The following PPL variants were observed in gnomAD, a reference collection of about 807,000 sequenced individuals.
The protein encoded by PPL is periplakin, also known as 190 kDa paraneoplastic pemphigus antigen.
A neutral mutation model predicts 194.4 loss-of-function variants in PPL; 198 were observed. The observed-to-expected ratio is 1.02, with a 90% CI of 0.91 to 1.15. The LOEUF is 1.15. Among genes scored for constraint, PPL ranks in the 50% most tolerant of loss-of-function variants. The pLI is 0.00. For missense variants in PPL, 2,885 were observed against 2,294.8 expected, an observed-to-expected ratio of 1.26 and a Z score of -5.25; for synonymous variants, 1,220 against 972.4, an observed-to-expected ratio of 1.25 and a Z score of -4.74.
At chr16:4,932,930 T>G (rs1005836148) in intron 1 of PPL, among the ~76,000 whole-genome samples, 8 of 151,696 alleles carry the variant, frequency 5.3e-5, no homozygotes, top group African/African-American at 1.9e-4. Context: ...TTGCCCAAGA[T>G]CAAACAGCTT....
intron 1 of PPL, among the ~76,000 whole-genome samples, chr16:4,914,438 G>A (rs1370602523): frequency 3.3e-5 from 5 of 152,194 alleles, no homozygotes; most frequent in Non-Finnish European, 7.3e-5. Flanking sequence ...GGCATTGGGG[G>A]CAGAAATGGC....
Position 4,882,787 on chromosome 16 carries a change from CAATT to C in PPL, c.*593_*596del, listed in dbSNP as rs1365292892. On this transcript the variant is annotated 3_prime_UTR_variant, in exon 22 of 22. Transcript: ENST00000345988. ...GGTGCCGGGACAGTCTGGTGGCTGACAATTAACGTCCACTCCAGCACCGAGGGCT... is the reference window on the plus strand; with the variant it reads ...GGTGCCGGGACAGTCTGGTGGCTGACAACGTCCACTCCAGCACCGAGGGCT... The C allele has an allele frequency of 6.5e-6, 1 of 153,354 alleles. No individual in the cohort carries two copies. Among genetic ancestry groups the C allele is most frequent in the Non-Finnish European group, 1.5e-5 (1 of 68,918 alleles). The allele number at this position is 153,354 out of a possible 1,614,324, so 9.5% of individuals were successfully genotyped here. A position where few individuals can be genotyped will look rare whatever the true frequency, so the allele number is the denominator to read the frequency against.
intron 11 of PPL, 150 bp downstream of exon 11, chr16:4,895,111 G>C: frequency 5.8e-6 from 6 of 1,035,488 alleles, no homozygotes; most frequent in Non-Finnish European, 8.1e-6. Flanking sequence ...AGGGGTGCCA[G>C]TTGGCCTGCA....
In PPL at chr16:4,899,336, T is replaced by C. The variant is rs1435593444; in HGVS notation, c.655A>G (p.Met219Val). 6.2e-7 allele frequency: 1 copy of C among 1,613,108 alleles called. No homozygotes were observed. The highest frequency in any genetic ancestry group is 1.3e-5 in the African/African-American group (1 of 75,042). Residue 219 changes from methionine to valine, a missense_variant, in exon 7 of 22, where the codon ATG becomes GTG. Transcript: ENST00000345988. Reference sequence around the variant, plus strand: ...TACAGCTCATTGGTGCAGCGCTGCATGTAGTCCTGCAGCGAACTCAGGTGC... The same window carrying C: ...TACAGCTCATTGGTGCAGCGCTGCACGTAGTCCTGCAGCGAACTCAGGTGC... ...QQHLSSLQDY[M>V]QRCTNELYWL...
At chr16:4,934,840 C>G (rs1241959459) in intron 1 of PPL, among the ~76,000 whole-genome samples, 1 of 152,096 alleles carries the variant, frequency 6.6e-6, no homozygotes, top group East Asian at 1.9e-4. Flanking sequence ...CTACCCCCAC[C>G]CCACAATCCA....
At chr16:4,901,345 G>C (rs568682351) in intron 4 of PPL, among the ~76,000 whole-genome samples, 1 of 152,196 alleles carries the variant, frequency 6.6e-6, no homozygotes. Flanking sequence ...AGGACACAGA[G>C]GCTGAGGCTG....
intron 1 of PPL, among the ~76,000 whole-genome samples, chr16:4,923,123 C>A (rs899713849): frequency 6.6e-6 from 1 of 152,180 alleles, no homozygotes; most frequent in South Asian, 2.1e-4. Context: ...ATAAGGGAAA[C>A]TGCAGAAGGG....
At position 4,885,436 on chromosome 16, in the gene PPL, C is replaced by T. The variant is rs1211345720; in HGVS notation, c.3219G>A (p.Leu1073=). The T allele has an allele frequency of 4.3e-6, 7 of 1,612,722 alleles. No individual in the cohort carries two copies. Among genetic ancestry groups the T allele is most frequent in the Admixed American group, 1.7e-5 (1 of 60,020 alleles). ...GGTCCTGGCGCTGGTGGTCCTCCTG[C>T]AGCTGCTGGTACTCTGCCTCCAGCT... The part of the protein sequence containing the change: ...DPQLEAEYQQ[L]QEDHQRQDQL... The change falls in exon 22 of 22, where the codon CTG becomes CTA. Residue 1073 remains leucine (L), a synonymous_variant. Transcript: ENST00000345988. This position sits in a 1 kb window ranked among gnomAD's most constrained non-coding sequence, Gnocchi z 6.3.
Position 4,892,144 on chromosome 16 carries a change from T to G in PPL, c.1720A>C (p.Ile574Leu), listed in dbSNP as rs1272106082. 1 of 1,613,846 alleles carries G rather than the reference T, an allele frequency of 6.2e-7. No homozygotes were observed. Among genetic ancestry groups the G allele is most frequent in the Non-Finnish European group, 8.5e-7 (1 of 1,180,030 alleles). ...GTGCCACTGCCTGGGAGGGCCTGGATGAAGGCTTCGCCCTCAGCCGTGCTC... is the reference window on the plus strand; with the variant it reads ...GTGCCACTGCCTGGGAGGGCCTGGAGGAAGGCTTCGCCCTCAGCCGTGCTC... ...TRSTAEGEAF[I>L]QALPGSGTTP... The change falls in exon 15 of 22, where the codon ATC becomes CTC. Residue 574 changes from isoleucine (I) to leucine (L), a missense_variant. Physicochemically the swap from Ile to Leu is conservative, Grantham distance 5. Transcript: ENST00000345988.
At chr16:4,923,947 C>T (rs1276315613) in intron 1 of PPL, among the ~76,000 whole-genome samples, 4 of 152,320 alleles carry the variant, frequency 2.6e-5, no homozygotes, top group Non-Finnish European at 5.9e-5. Flanking sequence ...ATGAACTATG[C>T]TGGCTTTTGG....
intron 2 of PPL, among the ~76,000 whole-genome samples, chr16:4,908,215 C>T (rs2088741279): frequency 6.7e-6 from 1 of 149,646 alleles, no homozygotes; most frequent in Non-Finnish European, 1.5e-5. Context: ...TCAGGCCAAG[C>T]ACACAGTGGC....
In PPL at chr16:4,884,118, C is replaced by T. The variant is rs200214360; in HGVS notation, c.4537G>A (p.Glu1513Lys). ...CTCTTGAGCCTCTGGATCTCTTGCT[C>T]GGTGTCGCCCTTCTCCACCTGGACA... is the stretch of plus-strand genomic sequence containing the variant. ...ESVQVEKGDT[E>K]QEIQRLKSSL... is the part of the protein sequence containing the mutation. The change falls in exon 22 of 22, where the codon GAG becomes AAG. Residue 1513 changes from glutamate to lysine, a missense_variant. Coordinates refer to ENST00000345988, the MANE Select transcript of PPL (RefSeq NM_002705.5). The surrounding 1 kb of genome is among the most constrained non-coding windows in gnomAD (Gnocchi z 5.7). 3.6e-5 allele frequency: 58 copies of T among 1,613,430 alleles called. No homozygotes were observed. Among genetic ancestry groups the T allele is most frequent in the East Asian group, 1.3e-4 (6 of 44,872 alleles).
chr16:4,926,789 G>C (rs922802286), intron 1 of PPL, among the ~76,000 whole-genome samples: 5 of 151,004 alleles, frequency 3.3e-5, no homozygotes, highest in African/African-American at 1.2e-4. Context: ...TGAGGCGGGA[G>C]AATGGCGTGA....
At chr16:4,887,367 GGAGTTAGACT>G in intron 20 of PPL, 140 bp from the exon 21 acceptor site, 1 of 672,096 alleles carries the variant, frequency 1.5e-6, no homozygotes, top group Non-Finnish European at 2.7e-6. Context: ...ACTCCTGCCT[GGAGTTAGACT>G]GTAGCCTCAC....
intron 1 of PPL, among the ~76,000 whole-genome samples, chr16:4,936,666 T>C (rs930286878): frequency 2.0e-5 from 3 of 152,020 alleles, no homozygotes; most frequent in Non-Finnish European, 4.4e-5. Flanking sequence ...AGAGCGACCC[T>C]GGGACACGGG....
chr16:4,933,333 A>T (rs555291227), intron 1 of PPL, among the ~76,000 whole-genome samples: 1 of 152,234 alleles, frequency 6.6e-6, no homozygotes, highest in African/African-American at 2.4e-5. Context: ...CCGTCTAGGC[A>T]AGGCCAGGCT....
At position 4,899,127 on chromosome 16, in the gene PPL, T is replaced by C; in HGVS notation, c.769-7A>G. 1 of 1,613,638 alleles carries C rather than the reference T, an allele frequency of 6.2e-7. No individual in the cohort carries two copies. Among genetic ancestry groups the C allele is most frequent in the Non-Finnish European group, 8.5e-7 (1 of 1,179,772 alleles). On this transcript the variant is annotated splice_polypyrimidine_tract_variant and splice_region_variant and intron_variant, in intron 7 of 21. Coordinates refer to ENST00000345988, the MANE Select transcript of PPL (RefSeq NM_002705.5). ...GGTTCCGGTTGATGAAATTCTGCAG[T>C]GGGGGGCAGTGGAGGGGCCTCAGTG... is the stretch of plus-strand genomic sequence containing the variant.
intron 6 of PPL, among the ~76,000 whole-genome samples, chr16:4,900,318 G>A (rs958549056): frequency 6.6e-6 from 1 of 152,108 alleles, no homozygotes; most frequent in Non-Finnish European, 1.5e-5. Flanking sequence ...TACCCCTGGG[G>A]CCTGTTAGGG....
rs148749431 is a variant in PPL, at chr16:4,896,678, C to T, written c.973-962G>A. ...TTTTTGAGGCGGAGACTCACTCTGT[C>T]GCCCAGGCTGGAGTGCAATGGCGCG... On this transcript the variant is annotated intron_variant, in intron 9 of 21. Transcript: ENST00000345988. Among the ~76,000 whole-genome samples, 28 of 143,308 alleles carry T rather than the reference C, an allele frequency of 2.0e-4. No individual in the cohort carries two copies. In the East Asian group the frequency reaches 5.8e-3, roughly 29 times the overall value. The allele number at this position is 143,308 out of a possible 152,430, so 94.0% of individuals were successfully genotyped here. A position where few individuals can be genotyped will look rare whatever the true frequency, so the allele number is the denominator to read the frequency against.
Sources: gnomAD v4.1 joint callset for allele counts (sites outside exome capture counted in the v4.1 genomes callset) on GRCh38, gnomAD v4.1.1 for gene constraint, Gnocchi (gnomAD v3.1) non-coding constraint, MANE v1.5 for transcripts, NCBI Gene and HGNC (gene_info 2026-07-23, HGNC 2026-07-21) for gene names.